Variants in PKP3 observed in about 807,000 individuals in gnomAD.
The protein encoded by PKP3 is plakophilin 3, also known as plakophilin-3.
In PKP3, 66 loss-of-function variants were observed where a neutral mutation model predicts 76.5. That is an observed-to-expected ratio of 0.86 (90% CI 0.71 to 1.06). PKP3 has a LOEUF of 1.06. Among genes scored for constraint, PKP3 ranks in the 50% least tolerant of loss-of-function variants. PKP3 has a pLI of 0.00. For missense variants in PKP3, 1,338 were observed against 1,141.0 expected, an observed-to-expected ratio of 1.17 and a Z score of -2.49; for synonymous variants, 638 against 516.5, an observed-to-expected ratio of 1.24 and a Z score of -3.19.
At chr11:397,802 C>A in intron 4 of PKP3, 140 bp downstream of exon 4, 4 of 787,742 alleles carry the variant, frequency 5.1e-6, no homozygotes, top group Non-Finnish European at 4.0e-6. Context: ...CTGGAGCCCC[C>A]TCAGCAGAGG....
rs1038553321 is a variant in PKP3 at position 403,511 on chromosome 11, GC to G, written c.1924-101del. Reference sequence around the variant, plus strand: ...CTGGGGGGCAAAGGCAGAAGCAGAGGCCCCCCTGAGGGTGGCGAGAGGATGC... The same window carrying G: ...CTGGGGGGCAAAGGCAGAAGCAGAGGCCCCCTGAGGGTGGCGAGAGGATGC... On this transcript the variant is annotated intron_variant, in intron 9 of 12. Transcript: ENST00000331563. 5.3e-6 allele frequency: 6 copies of G among 1,140,790 alleles called. No individual in the cohort carries two copies. The East Asian group carries it at 9.5e-5, about 18-fold the overall frequency. 70.7% of individuals were successfully genotyped at this position (1,140,790 alleles called of 1,614,324 possible).
At position 403,693 on chromosome 11, in the gene PKP3, G is replaced by A. The variant is rs754778202; in HGVS notation, c.1999G>A (p.Ala667Thr). 2.2e-5 allele frequency: 35 copies of A among 1,610,194 alleles called. No homozygotes were observed. Among genetic ancestry groups the A allele is most frequent in the African/African-American group, 5.3e-5 (4 of 74,892 alleles). The change falls in exon 10 of 13, where the codon GCC (alanine) becomes ACC (threonine). Residue 667 changes from alanine to threonine, a missense_variant. Coordinates refer to ENST00000331563, the MANE Select transcript of PKP3 (RefSeq NM_007183.4). ...CCCCCTGCTAGACCGTGTCAGGACCGCCGACCACCACCAGCTGCGCTCACT... is the reference window on the plus strand; with the variant it reads ...CCCCCTGCTAGACCGTGTCAGGACCACCGACCACCACCAGCTGCGCTCACT... ...LNPLLDRVRT[A>T]DHHQLRSLTG... is the part of the protein sequence containing the mutation.
In PKP3 at chr11:397,047, C is replaced by T; in HGVS notation, c.546C>T (p.Arg182=). 6.3e-7 allele frequency: 1 copy of T among 1,599,482 alleles called. No individual in the cohort carries two copies. Among genetic ancestry groups the T allele is most frequent in the Non-Finnish European group, 8.5e-7 (1 of 1,179,590 alleles). Residue 182 remains arginine (R), a synonymous_variant, in exon 3 of 13, where the codon CGC becomes CGT. Transcript: ENST00000331563. The stretch of plus-strand genomic sequence containing the variant: ...CCGACTATGACACACTCTCCCTGCG[C>T]TCGCTGCGGCTGGGGCCCGGGGGCC... The part of the protein sequence containing the change: ...SRADYDTLSL[R]SLRLGPGGLD...
At position 400,755 on chromosome 11, in the gene PKP3, C is replaced by T. The variant is rs1203310299; in HGVS notation, c.1737+50C>T. On this transcript the variant is annotated intron_variant, in intron 8 of 12. Transcript: ENST00000331563. ...TGGGGTGGGTGCTGCGACCCCGGCC[C>T]CGCTGACCCCGGCCCCGCTCACCCC... 18 of 1,079,678 alleles carry T rather than the reference C, an allele frequency of 1.7e-5. No homozygotes were observed. In the African/African-American group the frequency reaches 2.7e-4, roughly 16 times the overall value. The allele number at this position is 1,079,678 out of a possible 1,614,324, so 66.9% of individuals were successfully genotyped here.
At position 404,001 on chromosome 11, in the gene PKP3, G is replaced by T; in HGVS notation, c.2136G>T (p.Ser712=). 6.2e-7 allele frequency: 1 copy of T among 1,611,288 alleles called. No individual in the cohort carries two copies. The highest frequency in any genetic ancestry group is 8.5e-7 in the Non-Finnish European group (1 of 1,178,966). ...EKLPGSVGEK[S]PPAEVLVNII... ...TGCCGGGCAGCGTGGGTGAGAAGTC[G>T]CCCCCAGCCGAGGTGCTGGTCAACA... Residue 712 remains serine, a synonymous_variant, in exon 11 of 13, where the codon TCG becomes TCT. Transcript: ENST00000331563. The surrounding 1 kb of genome is among the most constrained non-coding windows in gnomAD (Gnocchi z 4.2).
rs11604287 is a variant in PKP3, at chr11:397,558, C to G, written c.964C>G (p.Pro322Ala). 1 of 1,612,120 alleles carries G rather than the reference C, an allele frequency of 6.2e-7. No individual in the cohort carries two copies. The change falls in exon 4 of 13, where the codon CCC becomes GCC. Residue 322 changes from proline to alanine, a missense_variant. By Grantham distance (27) the Pro-to-Ala change is conservative (BLOSUM62 -1). Transcript: ENST00000331563. ...LSSGFDDIDL[P>A]SAVKYLMASD... Reference sequence around the variant, plus strand: ...CCGCAGTTTTGATGACATTGACCTGCCCTCAGCAGTCAAGTACCTCATGGC... The same window carrying G: ...CCGCAGTTTTGATGACATTGACCTGGCCTCAGCAGTCAAGTACCTCATGGC...
Position 400,061 on chromosome 11 carries a change from G to A in PKP3, c.1368G>A (p.Leu456=), listed in dbSNP as rs775824359. ...EQLTDLVLSP[L]SGAGGPPLIQ... ...TCACAGACCTGGTGTTGAGCCCCCT[G>A]TCGGGGGCTGGGGGTCCCCCCCTCA... Residue 456 remains leucine (L), a synonymous_variant, in exon 6 of 13, where the codon CTG becomes CTA. Coordinates refer to ENST00000331563, the MANE Select transcript of PKP3 (RefSeq NM_007183.4). The A allele has an allele frequency of 7.7e-5, 124 of 1,603,290 alleles. No individual in the cohort carries two copies. The highest frequency in any genetic ancestry group is 2.0e-4 in the East Asian group (9 of 44,718).
rs1364042801 is a variant in PKP3, at chr11:396,593, C to T, written c.233-15C>T. ...CTGTGTGGCAGAGCTGGGCTACCAC[C>T]GTCCCTCTCCACAGGCACATCCAGG... On this transcript the variant is annotated splice_polypyrimidine_tract_variant and intron_variant, in intron 1 of 12. Coordinates refer to ENST00000331563, the MANE Select transcript of PKP3 (RefSeq NM_007183.4). The T allele has an allele frequency of 7.0e-6, 11 of 1,581,410 alleles. No homozygotes were observed. The highest frequency in any genetic ancestry group is 6.9e-6 in the Non-Finnish European group (8 of 1,160,064).
At chr11:400,494 C>T in intron 7 of PKP3, 41 bp from the exon 8 acceptor site, 1 of 1,501,182 alleles carries the variant, frequency 6.7e-7, no homozygotes, top group Non-Finnish European at 8.9e-7. Flanking sequence ...CCCCGGGCCG[C>T]CGCTCTGACC....
In PKP3 at chr11:400,373, G is replaced by A. The variant is rs1847131485; in HGVS notation, c.1488G>A (p.Met496Ile). The A allele has an allele frequency of 1.3e-6, 2 of 1,549,474 alleles. No individual in the cohort carries two copies. The highest frequency in any genetic ancestry group is 1.7e-6 in the Non-Finnish European group (2 of 1,146,488). ...SSASQATRQKMRECHGLVDAL... is the reference protein window; with the variant it reads ...SSASQATRQKIRECHGLVDAL... ...CCTCTCAGGCCACTCGCCAGAAGAT[G>A]CGGGAGTGCCACGGGCTGGTGGACG... The change falls in exon 7 of 13, where the codon ATG (methionine) becomes ATA (isoleucine). Residue 496 changes from methionine to isoleucine, a missense_variant. Coordinates refer to ENST00000331563, the MANE Select transcript of PKP3 (RefSeq NM_007183.4).
rs1268607321 is a variant in PKP3 at position 400,459 on chromosome 11, G to T, written c.1566+8G>T. 1.3e-6 allele frequency: 2 copies of T among 1,539,176 alleles called. No homozygotes were observed. The highest frequency in any genetic ancestry group is 2.0e-4 in the Middle Eastern group (1 of 4,946). On this transcript the variant is annotated splice_region_variant and intron_variant, in intron 7 of 12. Coordinates refer to ENST00000331563, the MANE Select transcript of PKP3 (RefSeq NM_007183.4). ...GGCAAATGCGAGGACAAGGTGAGGGGCGCGGTGTGGAGGAGGGGCCGTGCC... is the reference window on the plus strand; with the variant it reads ...GGCAAATGCGAGGACAAGGTGAGGGTCGCGGTGTGGAGGAGGGGCCGTGCC...
chr11:394,844 C>T (rs1847025002), intron 1 of PKP3, among the ~76,000 whole-genome samples: 1 of 152,196 alleles, frequency 6.6e-6, no homozygotes, highest in South Asian at 2.1e-4. Flanking sequence ...TCGGCAAACC[C>T]GGAACACGCA....
chr11:404,022 C>A lies in PKP3; in HGVS notation c.2157C>A (p.Val719=). 1 of 1,612,204 alleles carries A rather than the reference C, an allele frequency of 6.2e-7. No individual in the cohort carries two copies. Among genetic ancestry groups the A allele is most frequent in the Non-Finnish European group, 8.5e-7 (1 of 1,179,564 alleles). ...GEKSPPAEVL[V]NIIAVLNNLV... is the part of the protein sequence containing the mutation. The stretch of plus-strand genomic sequence containing the variant: ...AGTCGCCCCCAGCCGAGGTGCTGGT[C>A]AACATCATAGCTGTGCTCAACAACC... Residue 719 remains valine (V), a synonymous_variant, in exon 11 of 13, where the codon GTC becomes GTA. Coordinates refer to ENST00000331563, the MANE Select transcript of PKP3 (RefSeq NM_007183.4). This position sits in a 1 kb window ranked among gnomAD's most constrained non-coding sequence, Gnocchi z 4.2.
In PKP3 at chr11:394,511, C is replaced by G; in HGVS notation, c.219C>G (p.Ala73=). The change falls in exon 1 of 13, where the codon GCC becomes GCG. Residue 73 remains alanine (A), a synonymous_variant. Transcript: ENST00000331563. ...HNGAAEPEPE[A]ETARGTSRGQ... is the part of the protein sequence containing the mutation. ...GGGCCGCTGAGCCCGAGCCTGAGGCCGAGACTGCCAGAGGTAGGCGGTGGG... is the reference window on the plus strand; with the variant it reads ...GGGCCGCTGAGCCCGAGCCTGAGGCGGAGACTGCCAGAGGTAGGCGGTGGG... 6 of 1,384,182 alleles carry G rather than the reference C, an allele frequency of 4.3e-6. No homozygotes were observed. The highest frequency in any genetic ancestry group is 5.6e-6 in the Non-Finnish European group (6 of 1,076,842). The allele number at this position is 1,384,182 out of a possible 1,614,324, so 85.7% of individuals were successfully genotyped here. A position where few individuals can be genotyped will look rare whatever the true frequency, so the allele number is the denominator to read the frequency against.
chr11:400,776 ACCCCCGCCCCGCT>A (rs1847143103), intron 8 of PKP3, 71 bp downstream of exon 8: 1 of 745,920 alleles, frequency 1.3e-6, no homozygotes, highest in Non-Finnish European at 1.6e-6. Flanking sequence ...GGCCCCGCTC[ACCCCCGCCCCGCT>A]CACCCCCGCC....
intron 8 of PKP3, among the ~76,000 whole-genome samples, 153 bp downstream of exon 8, chr11:400,858 ACCCCGCTCACACCCG>A (rs1847147645): frequency 9.7e-5 from 1 of 10,344 alleles, no homozygotes; most frequent in Non-Finnish European, 1.6e-4. Flanking sequence ...CTCACCCCCG[ACCCCGCTCACACCCG>A]CCCCGCTCAC....
Position 403,483 on chromosome 11 carries a change from C to G in PKP3, c.1924-135C>G, listed in dbSNP as rs548489797. On this transcript the variant is annotated intron_variant, in intron 9 of 12. Transcript: ENST00000331563. ...GATCCGGGCTGCGGCTGATTCCCCC[C>G]GGCTGGGGGGCAAAGGCAGAAGCAG... 19 of 922,286 alleles carry G rather than the reference C, an allele frequency of 2.1e-5. No homozygotes were observed. The Middle Eastern group carries it at 1.0e-3, about 50-fold the overall frequency. 57.1% of individuals were successfully genotyped at this position (922,286 alleles called of 1,614,324 possible).
chr11:395,403 GC>G (rs2133594191), intron 1 of PKP3, among the ~76,000 whole-genome samples: 1 of 152,356 alleles, frequency 6.6e-6, no homozygotes, highest in African/African-American at 2.4e-5. Context: ...CAGCGGAGGG[GC>G]CGGCCCGGCG....
chr11:404,299 C>T lies in PKP3; in HGVS notation c.2334C>T (p.Asn778=), dbSNP rs538343962. The T allele has an allele frequency of 6.2e-7, 1 of 1,612,560 alleles. No individual in the cohort carries two copies. Among genetic ancestry groups the T allele is most frequent in the South Asian group, 1.1e-5 (1 of 91,086 alleles). Residue 778 remains asparagine (N), a synonymous_variant, in exon 12 of 13, where the codon AAC becomes AAT. Transcript: ENST00000331563. This position sits in a 1 kb window ranked among gnomAD's most constrained non-coding sequence, Gnocchi z 4.2. The part of the protein sequence containing the change: ...SSLLANLWQY[N]KLHRDFRAKG... The stretch of plus-strand genomic sequence containing the variant: ...TCCTGGCCAACCTGTGGCAGTACAA[C>T]AAGCTCCACCGTGACTTCCGGGCGG...
Sources: gnomAD v4.1 joint callset for allele counts (sites outside exome capture counted in the v4.1 genomes callset) on GRCh38, gnomAD v4.1.1 for gene constraint, Gnocchi (gnomAD v3.1) non-coding constraint, MANE v1.5 for transcripts, NCBI Gene and HGNC (gene_info 2026-07-23, HGNC 2026-07-21) for gene names.